The following RASGRP3 variants were observed in gnomAD, a reference collection of about 807,000 sequenced individuals.
RASGRP3 encodes RAS guanyl releasing protein 3.
RASGRP3 carries 54 observed loss-of-function variants against 82.7 expected under a neutral mutation model. That is an observed-to-expected ratio of 0.65 (90% CI 0.52 to 0.82). RASGRP3 has a LOEUF of 0.82. RASGRP3 is among the 40% of genes least tolerant of loss of function. The pLI, the probability that RASGRP3 is intolerant of heterozygous loss-of-function variation, is 0.00. For missense variants in RASGRP3, 861 were observed against 828.9 expected, an observed-to-expected ratio of 1.04 and a Z score of -0.48; for synonymous variants, 309 against 300.5, an observed-to-expected ratio of 1.03 and a Z score of -0.29.
intron 1 of RASGRP3, among the ~76,000 whole-genome samples, chr2:33,446,871 C>T (rs182524417): frequency 0.01 from 1,552 of 151,758 alleles, 34 homozygotes; most frequent in African/African-American, 0.036. Flanking sequence ...GGGCCGGGTG[C>T]GGTGGCTCAC....
chr2:33,494,156 C>A (rs79314666), intron 1 of RASGRP3, among the ~76,000 whole-genome samples: 2,606 of 152,236 alleles, frequency 0.017, 119 homozygotes, highest in East Asian at 0.12. Flanking sequence ...GTTAAACTGG[C>A]AACTAAGTAA....
At chr2:33,526,728 C>G (rs994403949) in intron 9 of RASGRP3, among the ~76,000 whole-genome samples, 3 of 152,174 alleles carry the variant, frequency 2.0e-5, no homozygotes, top group Non-Finnish European at 4.4e-5. Flanking sequence ...CTTTCTCTAC[C>G]CCATACTGTC....
intron 13 of RASGRP3, among the ~76,000 whole-genome samples, chr2:33,547,265 G>A (rs563744288): frequency 6.7e-6 from 1 of 148,446 alleles, no homozygotes; most frequent in East Asian, 2.0e-4. Flanking sequence ...GATGGCGGAC[G>A]TTTGGAGGAG....
At chr2:33,457,115 C>T (rs1236643165) in intron 2 of RASGRP3, among the ~76,000 whole-genome samples, 2 of 152,040 alleles carry the variant, frequency 1.3e-5, no homozygotes, top group African/African-American at 4.8e-5. Flanking sequence ...AAGTGTTCCA[C>T]CCGCTTCAGC....
chr2:33,516,935 A>C (rs1303509747), intron 4 of RASGRP3: 2 of 251,582 alleles, frequency 7.9e-6, no homozygotes, highest in Admixed American at 1.1e-4. Flanking sequence ...CTGTTATTAG[A>C]ACAATGAGAG....
chr2:33,444,923 C>T (rs1397432091), intron 1 of RASGRP3, among the ~76,000 whole-genome samples: 1 of 152,116 alleles, frequency 6.6e-6, no homozygotes, highest in Non-Finnish European at 1.5e-5. Flanking sequence ...AAATCGAGTT[C>T]CAAAAACCAT....
intron 2 of RASGRP3, among the ~76,000 whole-genome samples, chr2:33,449,853 A>G (rs1665695606): frequency 6.6e-6 from 1 of 152,234 alleles, no homozygotes; most frequent in African/African-American, 2.4e-5. Flanking sequence ...TATGCATTTT[A>G]GTAAAGATAA....
intron 1 of RASGRP3, among the ~76,000 whole-genome samples, chr2:33,497,064 T>A (rs1429813145): frequency 6.6e-6 from 1 of 152,196 alleles, no homozygotes; most frequent in Non-Finnish European, 1.5e-5. Flanking sequence ...TACGTAGTAA[T>A]AAGTTAATGT....
chr2:33,462,460 C>G (rs968006455), intron 2 of RASGRP3, among the ~76,000 whole-genome samples: 1 of 151,574 alleles, frequency 6.6e-6, no homozygotes, highest in Non-Finnish European at 1.5e-5. Flanking sequence ...ACACTGCAAC[C>G]TACACCTCCC....
intron 1 of RASGRP3, among the ~76,000 whole-genome samples, chr2:33,436,891 TATATTTTTG>T (rs1242017205): frequency 6.6e-6 from 1 of 152,208 alleles, no homozygotes; most frequent in Non-Finnish European, 1.5e-5. Context: ...CCTTTAAAAA[TATATTTTTG>T]ATATTTGTCT....
chr2:33,479,411 A>ACTC (rs77939222), intron 1 of RASGRP3, among the ~76,000 whole-genome samples: 33,692 of 151,584 alleles, frequency 0.22, 4,722 homozygotes, highest in Non-Finnish European at 0.33. Context: ...GAGGACAGCC[A>ACTC]CTCCACCCAT....
At chr2:33,477,402 T>C (rs1386348770) in intron 1 of RASGRP3, among the ~76,000 whole-genome samples, 1 of 152,252 alleles carries the variant, frequency 6.6e-6, no homozygotes, top group Non-Finnish European at 1.5e-5. Flanking sequence ...GCCCCTGGTC[T>C]TCCTTCACCT....
At chr2:33,526,952 A>G (rs1261524311) in intron 9 of RASGRP3, among the ~76,000 whole-genome samples, 185 bp from the exon 10 acceptor site, 1 of 152,220 alleles carries the variant, frequency 6.6e-6, no homozygotes, top group African/African-American at 2.4e-5. Flanking sequence ...AGGCTGCTCA[A>G]TGCATAGCCA....
chr2:33,446,917 G>A (rs574121091), intron 1 of RASGRP3, among the ~76,000 whole-genome samples: 2 of 152,096 alleles, frequency 1.3e-5, no homozygotes, highest in South Asian at 4.2e-4. Context: ...GCCGAGGCGG[G>A]TGCATTACGA....
chr2:33,510,702 G>A (rs1167212287), intron 1 of RASGRP3, among the ~76,000 whole-genome samples: 1 of 152,134 alleles, frequency 6.6e-6, no homozygotes, highest in Non-Finnish European at 1.5e-5. Context: ...GCTCCGTGAT[G>A]GATTCACTTT....
chr2:33,469,668 C>A (rs1173225929), intron 2 of RASGRP3, among the ~76,000 whole-genome samples: 1 of 152,000 alleles, frequency 6.6e-6, no homozygotes, highest in Non-Finnish European at 1.5e-5. Context: ...ACCATGTTGC[C>A]CAGGCTGGTC....
intron 2 of RASGRP3, among the ~76,000 whole-genome samples, chr2:33,458,481 C>A (rs1666166916): frequency 6.6e-6 from 1 of 152,196 alleles, no homozygotes; most frequent in South Asian, 2.1e-4. Flanking sequence ...ATTGCAACCT[C>A]TCACTACAAA....
intron 17 of RASGRP3, among the ~76,000 whole-genome samples, chr2:33,561,083 T>C (rs1676596934): frequency 6.6e-6 from 1 of 152,116 alleles, no homozygotes; most frequent in African/African-American, 2.4e-5. Context: ...TTTTTTTTCT[T>C]TGAGACGGAG....
chr2:33,464,113 T>TTATA (rs1558406308), intron 2 of RASGRP3, among the ~76,000 whole-genome samples: 1 of 130,828 alleles, frequency 7.6e-6, no homozygotes, highest in East Asian at 2.5e-4. Context: ...TAATAATAAT[T>TTATA]ATTATTATTA....
Sources: allele counts gnomAD v4.1 joint callset (sites outside exome capture counted in the v4.1 genomes callset), GRCh38; gene constraint gnomAD v4.1.1; transcripts MANE v1.5; gene names NCBI Gene and HGNC (gene_info 2026-07-23, HGNC 2026-07-21).